The following MICAL2 variants were observed in gnomAD, a reference collection of about 807,000 sequenced individuals.
The protein encoded by MICAL2 is [F-actin]-monooxygenase MICAL2.
Under a neutral mutation model 127.3 loss-of-function variants are expected in MICAL2, and 77 were observed. The ratio of observed to expected loss-of-function variants is 0.60; its 90% CI spans 0.50 to 0.73. The LOEUF is 0.73. Ranked by LOEUF, MICAL2 falls within the 30% of genes least tolerant of loss-of-function variation. The pLI is 0.00. For synonymous variants in MICAL2, 570 were observed against 551.1 expected (o/e 1.03, Z -0.48); for missense variants, 1,351 against 1,434.4 (o/e 0.94, Z 0.94).
rs149964383 is a variant in MICAL2 at position 12,280,830 on chromosome 11, C to A, written c.88-103C>A. On this transcript the variant is annotated intron_variant, in intron 1 of 2. Transcript: ENST00000529028. ...GGGCACACAGGACTAAGCCCAGGCC[C>A]CCCAGGTGCGCTGGAGCAGTCCTGG... The A allele has an allele frequency of 5.8e-5, 23 of 397,846 alleles. No homozygotes were observed. In the East Asian group the frequency reaches 8.2e-4, roughly 14 times the overall value. 24.6% of individuals were successfully genotyped at this position (397,846 alleles called of 1,614,324 possible).
intron 22 of MICAL2, chr11:12,255,338 C>G: frequency 2.7e-6 from 1 of 371,774 alleles, no homozygotes; most frequent in Non-Finnish European, 5.1e-6. Context: ...TCTGTACCCA[C>G]TAAACAACAG....
Position 12,162,379 on chromosome 11 carries a change from A to C in MICAL2, c.224A>C (p.His75Pro). The change falls in exon 3 of 28, where the codon CAC (histidine) becomes CCC (proline). Residue 75 changes from histidine to proline, a missense_variant. By Grantham distance (77) the His-to-Pro change is moderately conservative. Around this residue, in one of 2 missense-constraint regions of MICAL2, gnomAD observed 599 missense variants for 714.9 expected, o/e 0.84. Coordinates refer to ENST00000683283, the MANE Select transcript of MICAL2 (RefSeq NM_001282663.2). ...LWYKLDKRGSHKEYKRGKSCT... is the reference protein window; with the variant it reads ...LWYKLDKRGSPKEYKRGKSCT... Reference sequence around the variant, plus strand: ...TACAAATTGGATAAGCGTGGTTCCCACAAAGAGTATAAGCGAGGGAAGTCG... The same window carrying C: ...TACAAATTGGATAAGCGTGGTTCCCCCAAAGAGTATAAGCGAGGGAAGTCG... The C allele has an allele frequency of 6.2e-7, 1 of 1,614,278 alleles. No homozygotes were observed. The highest frequency in any genetic ancestry group is 1.1e-5 in the South Asian group (1 of 91,092).
At chr11:12,326,952 G>A (rs1864359923) in intron 31 of MICAL2, among the ~76,000 whole-genome samples, 1 of 152,206 alleles carries the variant, frequency 6.6e-6, no homozygotes, top group African/African-American at 2.4e-5. Context: ...TTAAGGGCCA[G>A]TTGAACATAC....
intron 29 of MICAL2, among the ~76,000 whole-genome samples, chr11:12,297,823 A>T (rs1348086838): frequency 6.6e-6 from 1 of 151,968 alleles, no homozygotes; most frequent in African/African-American, 2.4e-5. Context: ...AAAATTCCTG[A>T]ACTTGGACTT....
chr11:12,114,477 G>A (rs1298860800), intron 1 of MICAL2, among the ~76,000 whole-genome samples: 1 of 152,164 alleles, frequency 6.6e-6, no homozygotes, highest in Non-Finnish European at 1.5e-5. Flanking sequence ...CCTGGTTTTA[G>A]TTTAGAGAAG....
intron 29 of MICAL2, among the ~76,000 whole-genome samples, chr11:12,307,048 A>G (rs1305571202): frequency 6.6e-6 from 1 of 152,202 alleles, no homozygotes; most frequent in African/African-American, 2.4e-5. Context: ...TTATTTTCCA[A>G]AGTGACATGC....
intron 2 of MICAL2, among the ~76,000 whole-genome samples, chr11:12,142,106 C>CA (rs1852407416): frequency 6.6e-6 from 1 of 152,176 alleles, no homozygotes; most frequent in Admixed American, 6.5e-5. Context: ...TCTGCAGTTC[C>CA]ATGTTGCCTC....
intron 32 of MICAL2, among the ~76,000 whole-genome samples, chr11:12,339,348 C>T (rs1938821272): frequency 6.6e-6 from 1 of 152,142 alleles, no homozygotes; most frequent in African/African-American, 2.4e-5. Flanking sequence ...GTTAGCCATT[C>T]ATCTAATTTT....
downstream of MICAL2, chr11:12,292,106 C>A: frequency 1.3e-6 from 2 of 1,588,166 alleles, no homozygotes; most frequent in South Asian, 2.3e-5. Flanking sequence ...AAAATAATAA[C>A]ACCTTTGTAA....
intron 20 of MICAL2, 23 bp downstream of exon 20, chr11:12,242,795 C>T (rs2134486312): frequency 2.6e-6 from 4 of 1,545,326 alleles, no homozygotes; most frequent in Non-Finnish European, 2.6e-6. Context: ...CTTTCAGAGC[C>T]CCCAGGAACC....
rs116691941 is a variant in MICAL2, at chr11:12,241,740, C to G, written c.2338-474C>G. 3.4e-3 allele frequency among the ~76,000 whole-genome samples: 514 copies of G among 152,314 alleles called. 5 individuals carry two copies. Among genetic ancestry groups the G allele is most frequent in the African/African-American group, 0.012 (483 of 41,572 alleles). On this transcript the variant is annotated intron_variant, in intron 18 of 27. Transcript: ENST00000683283. The stretch of plus-strand genomic sequence containing the variant: ...ATAAGCCACAAAGTTGTCTGGTCAG[C>G]ATTAGGATTTGTGTGTTGCTCCCAG...
downstream of MICAL2, among the ~76,000 whole-genome samples, chr11:12,265,513 T>C (rs903796051): frequency 6.6e-6 from 1 of 152,222 alleles, no homozygotes; most frequent in South Asian, 2.1e-4. Flanking sequence ...TATACATTTT[T>C]AAAACTTAAT....
At chr11:12,221,859 C>T in intron 10 of MICAL2, 100 bp downstream of exon 10, 1 of 825,420 alleles carries the variant, frequency 1.2e-6, no homozygotes, top group Non-Finnish European at 1.9e-6. Flanking sequence ...TACCTGGAGC[C>T]TCTGCCTCCT....
chr11:12,183,046 C>A (rs1007205377), intron 3 of MICAL2, among the ~76,000 whole-genome samples: 1 of 152,090 alleles, frequency 6.6e-6, no homozygotes, highest in Non-Finnish European at 1.5e-5. Context: ...GAAAATGCAG[C>A]CTATTGTTGT....
intron 15 of MICAL2, among the ~76,000 whole-genome samples, chr11:12,227,875 T>C (rs1039502395): frequency 7.2e-5 from 11 of 152,196 alleles, no homozygotes. Context: ...TCCTAGAAAA[T>C]TAAAAATATT....
intron 29 of MICAL2, among the ~76,000 whole-genome samples, chr11:12,309,378 C>T (rs1354338760): frequency 2.0e-5 from 3 of 152,124 alleles, no homozygotes; most frequent in South Asian, 4.1e-4. Flanking sequence ...TACTCTATCT[C>T]CATGAGATCC....
intron 3 of MICAL2, among the ~76,000 whole-genome samples, chr11:12,185,930 A>G (rs954822414): frequency 6.6e-6 from 1 of 152,238 alleles, no homozygotes; most frequent in African/African-American, 2.4e-5. Flanking sequence ...TTTGCTACAT[A>G]TGATGTGCTT....
At chr11:12,310,814 T>C (rs1172846850) in intron 29 of MICAL2, among the ~76,000 whole-genome samples, 1 of 152,182 alleles carries the variant, frequency 6.6e-6, no homozygotes, top group Non-Finnish European at 1.5e-5. Flanking sequence ...ATGAGACTTC[T>C]TTCCATGTTT....
chr11:12,222,709 C>T lies in MICAL2; in HGVS notation c.1415C>T (p.Pro472Leu), dbSNP rs375212147. The change falls in exon 11 of 28, where the codon CCA (proline) becomes CTA (leucine). Residue 472 changes from proline to leucine, a missense_variant. Physicochemically the swap from Pro to Leu is moderately conservative, Grantham distance 98 (BLOSUM62 -3). Around this residue, in one of 2 missense-constraint regions of MICAL2, gnomAD observed 599 missense variants for 714.9 expected, o/e 0.84. Coordinates refer to ENST00000683283, the MANE Select transcript of MICAL2 (RefSeq NM_001282663.2). ...ACGTTGGACCCAGGGACACGGTACC[C>T]AAACCTCAACTCACACTGTGTCAGG... ...QYTLDPGTRYPNLNSHCVRPH... is the reference protein window; with the variant it reads ...QYTLDPGTRYLNLNSHCVRPH... The T allele has an allele frequency of 6.2e-7, 1 of 1,614,092 alleles. No individual in the cohort carries two copies. Among genetic ancestry groups the T allele is most frequent in the Non-Finnish European group, 8.5e-7 (1 of 1,180,048 alleles).
Sources: gnomAD v4.1 joint callset for allele counts (sites outside exome capture counted in the v4.1 genomes callset) on GRCh38, gnomAD v4.1.1 for gene constraint, gnomAD v4.1.1 regional missense constraint, MANE v1.5 for transcripts, NCBI Gene and HGNC (gene_info 2026-07-23, HGNC 2026-07-21) for gene names.